The following CAP1 variants were observed in gnomAD, a reference collection of about 807,000 sequenced individuals.
CAP1 encodes the protein adenylyl cyclase-associated protein 1.
CAP1 carries 11 observed loss-of-function variants against 58.2 expected under a neutral mutation model. The ratio of observed to expected loss-of-function variants is 0.19; its 90% CI spans 0.12 to 0.31. CAP1 has a LOEUF of 0.31. Ranked by LOEUF, CAP1 falls within the 10% of genes least tolerant of loss-of-function variation. CAP1 has a pLI of 1.00. For synonymous variants in CAP1, 183 were observed against 213.8 expected (o/e 0.86, Z 1.26); for missense variants, 423 against 587.5 (o/e 0.72, Z 2.89).
intron 1 of CAP1, among the ~76,000 whole-genome samples, chr1:40,050,919 C>T (rs1355884273): frequency 6.6e-6 from 1 of 152,176 alleles, no homozygotes; most frequent in African/African-American, 2.4e-5. Flanking sequence ...ATCATCTGGC[C>T]CAGCTTGCTC....
chr1:40,055,897 A>T (rs1646594173), intron 1 of CAP1, among the ~76,000 whole-genome samples: 1 of 152,152 alleles, frequency 6.6e-6, no homozygotes, highest in Non-Finnish European at 1.5e-5. Context: ...TTGATGACTG[A>T]TAAGATGTTG....
At chr1:40,050,702 G>A (rs983894158) in intron 1 of CAP1, among the ~76,000 whole-genome samples, 8 of 152,002 alleles carry the variant, frequency 5.3e-5, no homozygotes. Context: ...ATCTTTTGTA[G>A]TAGCATTATT....
chr1:40,066,125 GA>G (rs1383686576), intron 6 of CAP1, 89 bp from the exon 7 acceptor site: 36 of 739,908 alleles, frequency 4.9e-5, no homozygotes, highest in Non-Finnish European at 8.3e-5. Flanking sequence ...ACGGGTAGGA[GA>G]ATGTGAGCCC....
At position 40,059,963 on chromosome 1, in the gene CAP1, C is replaced by T. The variant is rs41301056; in HGVS notation, c.113-104C>T. ...GGTTTCCTTACTCCTGTTCTGTATC[C>T]TGTTGACTGTATTACCTTGCCTCCC... On this transcript the variant is annotated intron_variant, in intron 2 of 12. Transcript: ENST00000372805. 5.4e-3 allele frequency: 4,573 copies of T among 845,772 alleles called. 14 individuals are homozygous for T. Among genetic ancestry groups the T allele is most frequent in the Middle Eastern group, 7.3e-3 (20 of 2,744 alleles). 52.4% of individuals were successfully genotyped at this position (845,772 alleles called of 1,614,324 possible).
chr1:40,070,465 G>A lies in CAP1; in HGVS notation c.1153G>A (p.Val385Met), dbSNP rs1480765543. 1.9e-6 allele frequency: 3 copies of A among 1,613,974 alleles called. No individual in the cohort carries two copies. Among genetic ancestry groups the A allele is most frequent in the Non-Finnish European group, 2.5e-6 (3 of 1,179,900 alleles). Residue 385 changes from valine to methionine, a missense_variant, in exon 11 of 13, where the codon GTG (valine) becomes ATG (methionine). Coordinates refer to ENST00000372805, the MANE Select transcript of CAP1 (RefSeq NM_006367.4). ...GAAACTTGGCCTGGTATTCGATGAC[G>A]TGGTGGGCATTGTGGAGATAATCAA... ...CKKLGLVFDD[V>M]VGIVEIINSK...
At chr1:40,069,631 G>C (rs925063850) in intron 8 of CAP1, 59 bp from the exon 9 acceptor site, 5 of 1,444,608 alleles carry the variant, frequency 3.5e-6, no homozygotes, top group Non-Finnish European at 4.8e-6. Context: ...TTAACATGAC[G>C]ATAGCAGCTC....
chr1:40,058,044 A>G (rs1646690171), intron 1 of CAP1, among the ~76,000 whole-genome samples: 1 of 152,256 alleles, frequency 6.6e-6, no homozygotes. Context: ...CCTGCCAGGT[A>G]GTAGTCTAGA....
At chr1:40,060,244 T>C in intron 3 of CAP1, 74 bp downstream of exon 3, 1 of 1,087,264 alleles carries the variant, frequency 9.2e-7, no homozygotes, top group Non-Finnish European at 1.4e-6. Context: ...GTCCTCATCC[T>C]TGGTTTAAGA....
chr1:40,071,740 G>A lies in CAP1; in HGVS notation c.*207G>A, dbSNP rs933659398. ...GTCAGTTGATCTTCTGCAGGAAGGT[G>A]CAGCTTTTCCATATCAGCTCAACCA... is the stretch of plus-strand genomic sequence containing the variant. On this transcript the variant is annotated 3_prime_UTR_variant, in exon 13 of 13. Transcript: ENST00000372805. The A allele has an allele frequency of 4.3e-5, 24 of 561,206 alleles. 1 individual carries two copies. Among genetic ancestry groups the A allele is most frequent in the African/African-American group, 2.4e-4 (13 of 53,146 alleles). 34.8% of individuals were successfully genotyped at this position (561,206 alleles called of 1,614,324 possible).
At chr1:40,051,914 CTT>C (rs1347959252) in intron 1 of CAP1, among the ~76,000 whole-genome samples, 2 of 152,104 alleles carry the variant, frequency 1.3e-5, no homozygotes, top group East Asian at 3.8e-4. Flanking sequence ...AGCAGAAAAA[CTT>C]TAACAAATAT....
Position 40,066,356 on chromosome 1 carries a change from C to CTCCT in CAP1, c.630+36_630+37insTCCT, listed in dbSNP as rs756639962. The CTCCT allele has an allele frequency of 8.3e-6, 9 of 1,090,826 alleles. No individual in the cohort carries two copies. The Admixed American group carries it at 1.6e-4, about 19-fold the overall frequency. 67.6% of individuals were successfully genotyped at this position (1,090,826 alleles called of 1,614,324 possible). Reference sequence around the variant, plus strand: ...CCTTCCTCCCTCCCTCCCTCCCTCCCACTTTCTCTCTCCAGCATGGGGTCC... The same window carrying CTCCT: ...CCTTCCTCCCTCCCTCCCTCCCTCCCTCCTACTTTCTCTCTCCAGCATGGGGTCC... On this transcript the variant is annotated intron_variant, in intron 7 of 12. Coordinates refer to ENST00000372805, the MANE Select transcript of CAP1 (RefSeq NM_006367.4).
intron 1 of CAP1, among the ~76,000 whole-genome samples, chr1:40,052,574 A>T (rs989540305): frequency 2.6e-5 from 4 of 152,122 alleles, no homozygotes; most frequent in Non-Finnish European, 5.9e-5. Flanking sequence ...TTATTTAAAT[A>T]AAAGAGATGA....
Position 40,060,101 on chromosome 1 carries a change from G to T in CAP1, c.147G>T (p.Ser49=). 2 of 1,613,690 alleles carry T rather than the reference G, an allele frequency of 1.2e-6. No homozygotes were observed. The highest frequency in any genetic ancestry group is 2.2e-5 in the South Asian group (2 of 91,050). ...GAAPYVQAFD[S]LLAGPVAEYL... is the part of the protein sequence containing the mutation. Reference sequence around the variant, plus strand: ...CTCCATATGTGCAGGCATTTGACTCGCTGCTTGCTGGTCCTGTGGCAGAGT... The same window carrying T: ...CTCCATATGTGCAGGCATTTGACTCTCTGCTTGCTGGTCCTGTGGCAGAGT... Residue 49 remains serine, a synonymous_variant, in exon 3 of 13, where the codon TCG becomes TCT. Transcript: ENST00000372805.
In CAP1 at chr1:40,072,235, A is replaced by G. The variant is rs956756660; in HGVS notation, c.*702A>G. The G allele has an allele frequency of 2.6e-6, 1 of 377,542 alleles. No homozygotes were observed. Among genetic ancestry groups the G allele is most frequent in the Non-Finnish European group, 4.6e-6 (1 of 218,020 alleles). 23.4% of individuals were successfully genotyped at this position (377,542 alleles called of 1,614,324 possible). On this transcript the variant is annotated 3_prime_UTR_variant, in exon 13 of 13. Coordinates refer to ENST00000372805, the MANE Select transcript of CAP1 (RefSeq NM_006367.4). ...GGATCCCTGCCCAGCACCTTCCTATAGAGATGACTTTAAAAGGAAAAAAAA... is the reference window on the plus strand; with the variant it reads ...GGATCCCTGCCCAGCACCTTCCTATGGAGATGACTTTAAAAGGAAAAAAAA...
chr1:40,064,270 A>T lies in CAP1; in HGVS notation c.338A>T (p.Lys113Ile). Residue 113 changes from lysine (K) to isoleucine (I), a missense_variant, in exon 5 of 13, where the codon AAA becomes ATA. By Grantham distance (102) the Lys-to-Ile change is moderately radical. Coordinates refer to ENST00000372805, the MANE Select transcript of CAP1 (RefSeq NM_006367.4). ...TTGGCACCCATCTCAGAGCAGATCA[A>T]AGAAGTGATAACCTTTCGGGAGAAG... ...DLLAPISEQIKEVITFREKNR... is the reference protein window; with the variant it reads ...DLLAPISEQIIEVITFREKNR... 1 of 1,614,194 alleles carries T rather than the reference A, an allele frequency of 6.2e-7. No homozygotes were observed. The highest frequency in any genetic ancestry group is 1.1e-5 in the South Asian group (1 of 91,076).
chr1:40,070,274 T>C lies in CAP1; in HGVS notation c.1109T>C (p.Ile370Thr). The change falls in exon 10 of 13, where the codon ATT becomes ACT. Residue 370 changes from isoleucine (I) to threonine (T), a missense_variant. Ile to Thr is a moderately conservative substitution (Grantham distance 89). Transcript: ENST00000372805. ...CAAATCAAGGGCAAAATTAACTCCA[T>C]TACAGTAGGTGAGTCTTTGTCGCTG... The part of the protein sequence containing the change: ...TLQIKGKINS[I>T]TVDNCKKLGL... 1.2e-6 allele frequency: 2 copies of C among 1,614,168 alleles called. No homozygotes were observed. Among genetic ancestry groups the C allele is most frequent in the Non-Finnish European group, 1.7e-6 (2 of 1,180,024 alleles).
rs777010735 is a variant in CAP1, at chr1:40,064,198, C to T, written c.295-29C>T. The T allele has an allele frequency of 1.8e-5, 29 of 1,611,976 alleles. No homozygotes were observed. The African/African-American group carries it at 2.3e-4, about 13-fold the overall frequency. ...AGACACCTTTGTGGAAAGATGTTAA[C>T]CTGAATCTTTTCTTGTATCTTTTCC... is the stretch of plus-strand genomic sequence containing the variant. On this transcript the variant is annotated intron_variant, in intron 4 of 12. Coordinates refer to ENST00000372805, the MANE Select transcript of CAP1 (RefSeq NM_006367.4).
In CAP1 at chr1:40,070,815, TTC is replaced by T. The variant is rs1647804194; in HGVS notation, c.1201-17_1201-16del. 6.3e-7 allele frequency: 1 copy of T among 1,595,626 alleles called. No homozygotes were observed. The highest frequency in any genetic ancestry group is 2.2e-5 in the East Asian group (1 of 44,694). ...GTCCTTCCCAACCACTGGGACTCAGTTCTCTTTGTTTACTCTGCAGGTAATGG... is the reference window on the plus strand; with the variant it reads ...GTCCTTCCCAACCACTGGGACTCAGTTCTTTGTTTACTCTGCAGGTAATGG... On this transcript the variant is annotated intron_variant, in intron 11 of 12. Transcript: ENST00000372805.
chr1:40,056,381 G>A (rs554688932), intron 1 of CAP1, among the ~76,000 whole-genome samples: 3 of 150,856 alleles, frequency 2.0e-5, no homozygotes, highest in Admixed American at 2.0e-4. Context: ...TTGCATCCTC[G>A]ACCTCCTGGG....
Sources: gnomAD v4.1 joint callset for allele counts (sites outside exome capture counted in the v4.1 genomes callset) on GRCh38, gnomAD v4.1.1 for gene constraint, MANE v1.5 for transcripts, NCBI Gene and HGNC (gene_info 2026-07-23, HGNC 2026-07-21) for gene names.